The following THSD4 variants were observed in gnomAD, a reference collection of about 807,000 sequenced individuals.
THSD4 encodes the protein thrombospondin type 1 domain containing 4, also known as thrombospondin type-1 domain-containing protein 4.
Under a neutral mutation model 119.0 loss-of-function variants are expected in THSD4, and 69 were observed. The ratio of observed to expected loss-of-function variants is 0.58; its 90% CI spans 0.48 to 0.71. The LOEUF is 0.71. THSD4 is among the 30% of genes least tolerant of loss of function. The pLI, the probability that THSD4 is intolerant of heterozygous loss-of-function variation, is 0.00. For missense variants in THSD4, 1,393 were observed against 1,391.1 expected (o/e 1.00, Z -0.02); for synonymous variants, 524 against 540.4 (o/e 0.97, Z 0.42).
intron 14 of THSD4, among the ~76,000 whole-genome samples, chr15:71,749,309 G>C (rs908233371): frequency 3.3e-5 from 5 of 152,360 alleles, no homozygotes; most frequent in Middle Eastern, 3.4e-3. Flanking sequence ...CATACCTTGG[G>C]ACAGGGAGAA....
intron 7 of THSD4, among the ~76,000 whole-genome samples, chr15:71,497,210 G>C (rs1417746608): frequency 6.6e-6 from 1 of 152,196 alleles, no homozygotes; most frequent in Non-Finnish European, 1.5e-5. Flanking sequence ...ATATGGCTAT[G>C]TGTCTGAAAG....
chr15:71,699,871 A>C (rs2052249256), intron 8 of THSD4, among the ~76,000 whole-genome samples: 1 of 152,202 alleles, frequency 6.6e-6, no homozygotes, highest in Non-Finnish European at 1.5e-5. Context: ...TTAAGAGAAA[A>C]ATATCATCTT....
At chr15:71,770,978 T>G in intron 16 of THSD4, 86 bp from the exon 17 acceptor site, 93 of 1,527,054 alleles carry the variant, frequency 6.1e-5, no homozygotes, top group Non-Finnish European at 7.4e-5. Flanking sequence ...TGGAAATGTT[T>G]GAGATTTTCC....
At chr15:71,648,422 C>G (rs1446028479) in intron 7 of THSD4, among the ~76,000 whole-genome samples, 1 of 152,220 alleles carries the variant, frequency 6.6e-6, no homozygotes. Context: ...CTCCCTTGCT[C>G]TGTTTCTAAA....
chr15:71,704,748 A>C (rs2052362031), intron 8 of THSD4, among the ~76,000 whole-genome samples: 1 of 152,216 alleles, frequency 6.6e-6, no homozygotes, highest in African/African-American at 2.4e-5. Context: ...TACAACCCCT[A>C]GCTACAATGA....
intron 6 of THSD4, among the ~76,000 whole-genome samples, chr15:71,355,424 G>C (rs978186257): frequency 1.3e-5 from 2 of 152,188 alleles, no homozygotes; most frequent in African/African-American, 4.8e-5. Flanking sequence ...ATGTGTGTGC[G>C]TGCAGACACT....
At chr15:71,492,306 C>A (rs567321800) in intron 7 of THSD4, among the ~76,000 whole-genome samples, 186 of 151,746 alleles carry the variant, frequency 1.2e-3, no homozygotes, top group Middle Eastern at 3.4e-3. Flanking sequence ...GCTCTGTCAC[C>A]CAGGCTGGAG....
At chr15:71,659,768 A>T (rs1014802575) in intron 7 of THSD4, among the ~76,000 whole-genome samples, 2 of 152,178 alleles carry the variant, frequency 1.3e-5, no homozygotes, top group Admixed American at 1.3e-4. Context: ...ATGAATGAGG[A>T]GGGAGAGATA....
At chr15:71,362,952 G>T (rs1433162560) in intron 6 of THSD4, among the ~76,000 whole-genome samples, 2 of 138,486 alleles carry the variant, frequency 1.4e-5, no homozygotes, top group Non-Finnish European at 1.5e-5. Context: ...TCACTAACAC[G>T]AATGATAGCT....
intron 7 of THSD4, among the ~76,000 whole-genome samples, chr15:71,439,111 T>G (rs941300580): frequency 6.6e-6 from 1 of 152,172 alleles, no homozygotes; most frequent in Non-Finnish European, 1.5e-5. Flanking sequence ...TGTTTGCTTT[T>G]AGGACAAACT....
At chr15:71,124,755 T>A (rs2040438433) in intron 1 of THSD4, among the ~76,000 whole-genome samples, 1 of 152,202 alleles carries the variant, frequency 6.6e-6, no homozygotes, top group Non-Finnish European at 1.5e-5. Flanking sequence ...TTAAATTGTG[T>A]ACCCTGGCTA....
intron 6 of THSD4, among the ~76,000 whole-genome samples, chr15:71,403,593 C>A (rs2046567899): frequency 6.6e-6 from 1 of 152,166 alleles, no homozygotes; most frequent in Admixed American, 6.5e-5. Context: ...ACCAAGAATG[C>A]AAGGCCCTGA....
chr15:71,119,335 C>T lies in THSD4; in HGVS notation c.-80+3637C>T, dbSNP rs117993631. Among the ~76,000 whole-genome samples, 15 of 152,318 alleles carry T rather than the reference C, an allele frequency of 9.8e-5. No individual in the cohort carries two copies. In the East Asian group the frequency reaches 2.9e-3, roughly 29 times the overall value. ...GGTGGAAGCAGGGCTCGAGAACTGG[C>T]GTTTTTAAGATTACCTCAGGCGATT... On this transcript the variant is annotated intron_variant, in intron 1 of 17. Transcript: ENST00000261862.
At chr15:71,694,951 C>T (rs2052132313) in intron 8 of THSD4, among the ~76,000 whole-genome samples, 1 of 152,160 alleles carries the variant, frequency 6.6e-6, no homozygotes, top group South Asian at 2.1e-4. Flanking sequence ...GCCGAGGAAC[C>T]AGCAGTGCAT....
chr15:71,715,365 T>C (rs1204876067), intron 8 of THSD4, among the ~76,000 whole-genome samples: 1 of 152,194 alleles, frequency 6.6e-6, no homozygotes, highest in Non-Finnish European at 1.5e-5. Context: ...AATGGATCAT[T>C]TGAAATTCCC....
At chr15:71,585,157 A>G (rs1315581000) in intron 7 of THSD4, among the ~76,000 whole-genome samples, 1 of 152,170 alleles carries the variant, frequency 6.6e-6, no homozygotes, top group Non-Finnish European at 1.5e-5. Context: ...ATTTTTGACT[A>G]TATTCTTACC....
intron 6 of THSD4, among the ~76,000 whole-genome samples, chr15:71,331,972 A>G (rs1420632527): frequency 6.6e-6 from 1 of 152,152 alleles, no homozygotes; most frequent in African/African-American, 2.4e-5. Context: ...ATTAAAAGAA[A>G]CAGGTTAGGA....
At chr15:71,550,441 A>G (rs1419137047) in intron 7 of THSD4, among the ~76,000 whole-genome samples, 1 of 152,102 alleles carries the variant, frequency 6.6e-6, no homozygotes, top group African/African-American at 2.4e-5. Flanking sequence ...ATGTTCTTTA[A>G]TTTTCTTATT....
intron 6 of THSD4, among the ~76,000 whole-genome samples, chr15:71,364,899 T>C (rs1010904888): frequency 4.6e-5 from 7 of 152,088 alleles, no homozygotes; most frequent in Admixed American, 4.6e-4. Context: ...GAATTAATGG[T>C]TTTTTAAAGC....
Sources: allele counts gnomAD v4.1 joint callset (sites outside exome capture counted in the v4.1 genomes callset), GRCh38; gene constraint gnomAD v4.1.1; transcripts MANE v1.5; gene names NCBI Gene and HGNC (gene_info 2026-07-23, HGNC 2026-07-21).